The following RANBP17 variants were observed in gnomAD, a reference collection of about 807,000 sequenced individuals.
RANBP17 encodes the protein ran-binding protein 17.
A neutral mutation model predicts 141.2 loss-of-function variants in RANBP17; 158 were observed. That is an observed-to-expected ratio of 1.12 (90% CI 0.98 to 1.28). RANBP17 has a LOEUF of 1.28. Ranked by LOEUF, RANBP17 falls within the 50% of genes most tolerant of loss-of-function variation. RANBP17 has a pLI of 0.00. For synonymous variants in RANBP17, 430 were observed against 450.0 expected, an observed-to-expected ratio of 0.96 and a Z score of 0.56; for missense variants, 1,438 against 1,290.7, an observed-to-expected ratio of 1.11 and a Z score of -1.75.
intron 5 of RANBP17, among the ~76,000 whole-genome samples, chr5:170,907,811 A>G (rs1374720282): frequency 1.3e-5 from 2 of 151,994 alleles, no homozygotes; most frequent in Non-Finnish European, 2.9e-5. Flanking sequence ...TTATATATTG[A>G]GGAAAGTGTT....
chr5:171,118,241 T>C (rs950640857), intron 14 of RANBP17, among the ~76,000 whole-genome samples: 17 of 152,160 alleles, frequency 1.1e-4, no homozygotes, highest in African/African-American at 3.9e-4. Flanking sequence ...CTCTATTCAG[T>C]TTTATTGGTC....
At chr5:171,080,680 T>C (rs558733348) in intron 14 of RANBP17, among the ~76,000 whole-genome samples, 298 of 152,274 alleles carry the variant, frequency 2.0e-3, no homozygotes, top group Non-Finnish European at 3.2e-3. Flanking sequence ...GACGTTGGTG[T>C]TTTTTGCTGC....
intron 1 of RANBP17, chr5:170,866,979 TC>T (rs1409506765): frequency 6.6e-6 from 1 of 152,076 alleles, no homozygotes; most frequent in East Asian, 1.9e-4. Context: ...AATATTGACC[TC>T]CCATCAATAT....
chr5:170,976,257 GAATT>G (rs1399405786), intron 14 of RANBP17, among the ~76,000 whole-genome samples: 8 of 151,932 alleles, frequency 5.3e-5, no homozygotes, highest in African/African-American at 1.9e-4. Context: ...GAATCAGAAA[GAATT>G]AAATAGGAAT....
At chr5:171,252,765 A>G in intron 24 of RANBP17, 1 of 1,329,810 alleles carries the variant, frequency 7.5e-7, no homozygotes, top group Non-Finnish European at 1.1e-6. Flanking sequence ...GACTTGCTTC[A>G]TATGAAAGTG....
At chr5:170,945,015 C>T (rs1413052931) in intron 12 of RANBP17, among the ~76,000 whole-genome samples, 1 of 152,230 alleles carries the variant, frequency 6.6e-6, no homozygotes, top group Non-Finnish European at 1.5e-5. Flanking sequence ...CATGGAGTCT[C>T]TCTCTCCCCT....
intron 14 of RANBP17, among the ~76,000 whole-genome samples, chr5:171,133,374 A>G (rs1171400340): frequency 1.3e-5 from 2 of 151,898 alleles, no homozygotes; most frequent in African/African-American, 4.8e-5. Context: ...AAGTTTCTAT[A>G]AAAAATGCCA....
intron 14 of RANBP17, among the ~76,000 whole-genome samples, chr5:171,032,938 T>C (rs1467763852): frequency 2.6e-5 from 4 of 152,160 alleles, no homozygotes; most frequent in African/African-American, 9.7e-5. Context: ...TGGAGACTCT[T>C]TTTACATTTG....
In RANBP17 at chr5:171,228,837, A is replaced by G. The variant is rs372912479; in HGVS notation, c.2422+6997A>G. Reference sequence around the variant, plus strand: ...CAATTTTTAGCAATAAAACATTTTTAATTATGATATATACATTATTATTTT... The same window carrying G: ...CAATTTTTAGCAATAAAACATTTTTGATTATGATATATACATTATTATTTT... On this transcript the variant is annotated intron_variant, in intron 22 of 27. Coordinates refer to ENST00000523189, the MANE Select transcript of RANBP17 (RefSeq NM_022897.5). Among the ~76,000 whole-genome samples the G allele has an allele frequency of 1.3e-3, 195 of 152,326 alleles. 9 individuals carry two copies. In the South Asian group the frequency reaches 0.039, roughly 30 times the overall value.
intron 12 of RANBP17, among the ~76,000 whole-genome samples, chr5:170,945,230 C>T (rs377143744): frequency 2.0e-5 from 3 of 152,096 alleles, no homozygotes; most frequent in East Asian, 3.9e-4. Flanking sequence ...TAATAAGCCT[C>T]TTTGGTAGAG....
chr5:170,887,304 C>T (rs890510878), intron 3 of RANBP17, among the ~76,000 whole-genome samples: 46 of 152,008 alleles, frequency 3.0e-4, no homozygotes, highest in African/African-American at 1.1e-3. Context: ...CAAAGTTTAC[C>T]TTATTCATTC....
At chr5:170,929,078 T>C (rs1417603076) in intron 12 of RANBP17, among the ~76,000 whole-genome samples, 1 of 152,150 alleles carries the variant, frequency 6.6e-6, no homozygotes, top group Non-Finnish European at 1.5e-5. Context: ...TAAACCAGAA[T>C]TGAATTTTGT....
intron 14 of RANBP17, chr5:171,161,317 G>T (rs1759336328): frequency 5.5e-6 from 1 of 180,324 alleles, no homozygotes; most frequent in South Asian, 2.0e-4. Context: ...AAGATTGTCA[G>T]CCACTTTCTC....
intron 14 of RANBP17, among the ~76,000 whole-genome samples, chr5:171,069,963 A>C (rs1784540068): frequency 6.6e-6 from 1 of 152,220 alleles, no homozygotes; most frequent in African/African-American, 2.4e-5. Flanking sequence ...TCCTTGTAAA[A>C]GAAGTGAAAG....
chr5:171,291,423 G>A (rs758774424), intron 25 of RANBP17, among the ~76,000 whole-genome samples: 50 of 152,332 alleles, frequency 3.3e-4, no homozygotes, highest in Non-Finnish European at 5.9e-4. Context: ...CCCTGTAGCA[G>A]TATTGGAAGT....
At chr5:171,248,139 G>A (rs1765330440) in intron 24 of RANBP17, among the ~76,000 whole-genome samples, 1 of 152,122 alleles carries the variant, frequency 6.6e-6, no homozygotes, top group Non-Finnish European at 1.5e-5. Context: ...GGCAGAGGCG[G>A]GCAGATCACG....
At chr5:171,148,096 C>T (rs934470923) in intron 14 of RANBP17, among the ~76,000 whole-genome samples, 19 of 152,040 alleles carry the variant, frequency 1.2e-4, no homozygotes, top group Non-Finnish European at 1.6e-4. Context: ...TTACCCCCAA[C>T]CCTGTGCTCT....
chr5:170,997,698 C>G (rs558841591), intron 14 of RANBP17, among the ~76,000 whole-genome samples: 4 of 152,136 alleles, frequency 2.6e-5, no homozygotes, highest in African/African-American at 7.2e-5. Context: ...TGAACAGACT[C>G]ACATCTATCA....
chr5:171,291,249 G>A (rs568788476), intron 25 of RANBP17, among the ~76,000 whole-genome samples: 1 of 152,198 alleles, frequency 6.6e-6, no homozygotes, highest in Non-Finnish European at 1.5e-5. Flanking sequence ...CCCTTTCCTG[G>A]TATGGCAGAA....
Sources: gnomAD v4.1 joint callset for allele counts (sites outside exome capture counted in the v4.1 genomes callset) on GRCh38, gnomAD v4.1.1 for gene constraint, MANE v1.5 for transcripts, NCBI Gene and HGNC (gene_info 2026-07-23, HGNC 2026-07-21) for gene names.